The following PHF20L1 variants were observed in gnomAD, a reference collection of about 807,000 sequenced individuals.
PHF20L1 encodes PHD finger protein 20-like protein 1.
In PHF20L1, 44 loss-of-function variants were observed where a neutral mutation model predicts 125.5. The ratio of observed to expected loss-of-function variants is 0.35; its 90% confidence interval spans 0.28 to 0.45. The LOEUF (loss-of-function observed/expected upper bound fraction) is 0.45. PHF20L1 is among the 20% of genes least tolerant of loss of function. The pLI is 1.00. For missense variants in PHF20L1, 1,012 were observed against 1,217.2 expected (o/e 0.83, Z 2.51); for synonymous variants, 380 against 403.1 (o/e 0.94, Z 0.69).
At chr8:132,806,302 A>G (rs1286467755) in intron 8 of PHF20L1, 2 of 152,052 alleles carry the variant, frequency 1.3e-5, no homozygotes, top group East Asian at 1.9e-4. Flanking sequence ...TGAGCCCACA[A>G]TGATGCATTA....
intron 15 of PHF20L1, among the ~76,000 whole-genome samples, chr8:132,833,547 G>C (rs2131855658): frequency 6.6e-6 from 1 of 152,148 alleles, no homozygotes; most frequent in Admixed American, 6.5e-5. Context: ...AGGCACAATT[G>C]AATGAGATTT....
Position 132,801,728 on chromosome 8 carries a change from A to G in PHF20L1, c.508-2091A>G, listed in dbSNP as rs1586917540. 2.0e-5 allele frequency among the ~76,000 whole-genome samples: 3 copies of G among 150,862 alleles called. No homozygotes were observed. In the East Asian group the frequency reaches 5.9e-4, roughly 30 times the overall value. On this transcript the variant is annotated intron_variant, in intron 6 of 20. Coordinates refer to ENST00000395386, the MANE Select transcript of PHF20L1 (RefSeq NM_016018.5). ...ACAAAATTTCACATGTATCCCATAA[A>G]TTTGTATAAATAAACGTAAAAGCAA...
intron 15 of PHF20L1, 101 bp downstream of exon 15, chr8:132,832,500 G>C: frequency 1.3e-6 from 1 of 781,148 alleles, no homozygotes; most frequent in Non-Finnish European, 2.0e-6. Context: ...TTAAAAACTT[G>C]TTAGCTAAAC....
chr8:132,824,277 T>C (rs920897273), intron 13 of PHF20L1: 3 of 369,840 alleles, frequency 8.1e-6, no homozygotes, highest in African/African-American at 6.3e-5. Flanking sequence ...TCTCTTGCTT[T>C]CTCCAAAGGA....
intron 9 of PHF20L1, among the ~76,000 whole-genome samples, chr8:132,813,805 T>G (rs1018154335): frequency 6.6e-6 from 1 of 152,004 alleles, no homozygotes; most frequent in South Asian, 2.1e-4. Flanking sequence ...TTTTAACATA[T>G]GTAGGAAATT....
chr8:132,837,496 T>C (rs991911631), intron 16 of PHF20L1, among the ~76,000 whole-genome samples: 1 of 152,150 alleles, frequency 6.6e-6, no homozygotes, highest in Non-Finnish European at 1.5e-5. Context: ...CATATTCTAA[T>C]AGGTGCAACA....
intron 13 of PHF20L1, 122 bp downstream of exon 13, chr8:132,824,182 A>C: frequency 1.7e-6 from 1 of 605,972 alleles, no homozygotes. Flanking sequence ...CATCTGTTTT[A>C]GTTCCTACTA....
At chr8:132,825,508 C>T in intron 14 of PHF20L1, 137 bp downstream of exon 14, 1 of 645,920 alleles carries the variant, frequency 1.5e-6, no homozygotes, top group South Asian at 2.5e-5. Flanking sequence ...CTGTAGCTTT[C>T]CTTTGACATG....
intron 2 of PHF20L1, 22 bp from the exon 3 acceptor site, chr8:132,794,388 A>T (rs753595952): frequency 1.3e-6 from 2 of 1,494,176 alleles, no homozygotes; most frequent in African/African-American, 2.8e-5. Flanking sequence ...TTCTCTTTAT[A>T]TGAAGCATTT....
chr8:132,839,646 G>A, intron 18 of PHF20L1, 64 bp downstream of exon 18: 1 of 1,175,764 alleles, frequency 8.5e-7, no homozygotes, highest in Non-Finnish European at 1.3e-6. Context: ...AACCAACACT[G>A]TTGGCCTTTT....
At chr8:132,836,008 T>A (rs937313151) in intron 15 of PHF20L1, among the ~76,000 whole-genome samples, 20 of 151,862 alleles carry the variant, frequency 1.3e-4, no homozygotes, top group African/African-American at 4.3e-4. Flanking sequence ...TTTTTTTTTT[T>A]AAGTGATTTT....
At chr8:132,793,472 CAA>C (rs1478872177) in intron 2 of PHF20L1, among the ~76,000 whole-genome samples, 6 of 152,056 alleles carry the variant, frequency 3.9e-5, no homozygotes, top group Non-Finnish European at 8.8e-5. Context: ...ACGGGGAAAA[CAA>C]AGATTCTGAA....
At chr8:132,812,754 C>G (rs1010209847) in intron 9 of PHF20L1, 1 of 983,096 alleles carries the variant, frequency 1.0e-6, no homozygotes, top group African/African-American at 1.7e-5. Flanking sequence ...CAATTGGTAT[C>G]AGCAATAGAC....
chr8:132,815,089 A>G, intron 10 of PHF20L1, 200 bp downstream of exon 10: 1 of 434,312 alleles, frequency 2.3e-6, no homozygotes, highest in Non-Finnish European at 4.1e-6. Flanking sequence ...CTGCTGGTTG[A>G]GAATCCTTTC....
chr8:132,816,740 T>G, intron 10 of PHF20L1, 148 bp from the exon 11 acceptor site: 1 of 563,528 alleles, frequency 1.8e-6, no homozygotes, highest in Non-Finnish European at 3.0e-6. Context: ...TGCCTTTGAT[T>G]ACCTTTGGAA....
chr8:132,797,864 A>G (rs1323907816), intron 4 of PHF20L1, among the ~76,000 whole-genome samples: 2 of 152,146 alleles, frequency 1.3e-5, no homozygotes, highest in East Asian at 3.9e-4. Context: ...TATAAAGACC[A>G]AGTATCTGTT....
chr8:132,836,892 G>A (rs1266004771), intron 16 of PHF20L1, among the ~76,000 whole-genome samples, 171 bp downstream of exon 16: 1 of 152,096 alleles, frequency 6.6e-6, no homozygotes, highest in South Asian at 2.1e-4. Context: ...ATTAAGTAAA[G>A]TAGACAATGT....
At chr8:132,808,740 C>T (rs1834017850) in intron 8 of PHF20L1, 1 of 150,314 alleles carries the variant, frequency 6.7e-6, no homozygotes, top group African/African-American at 2.4e-5. Flanking sequence ...AGGATTGAAG[C>T]TGTTTTTGTA....
intron 10 of PHF20L1, 173 bp downstream of exon 10, chr8:132,815,062 T>A (rs1834802627): frequency 3.9e-6 from 2 of 519,094 alleles, no homozygotes; most frequent in African/African-American, 2.0e-5. Context: ...TCTTACTGAT[T>A]TATTGCTTAG....
Sources: allele counts gnomAD v4.1 joint callset (sites outside exome capture counted in the v4.1 genomes callset), GRCh38; gene constraint gnomAD v4.1.1; transcripts MANE v1.5; gene names NCBI Gene and HGNC (gene_info 2026-07-23, HGNC 2026-07-21).